Variants in KCTD16 observed in about 807,000 individuals in gnomAD.
KCTD16 encodes potassium channel tetramerization domain containing 16.
KCTD16 carries 13 observed loss-of-function variants against 33.2 expected under a neutral mutation model. The ratio of observed to expected loss-of-function variants is 0.39; its 90% CI spans 0.25 to 0.62. The LOEUF (loss-of-function observed/expected upper bound fraction) is 0.62. Ranked by LOEUF, KCTD16 falls within the 20% of genes least tolerant of loss-of-function variation. KCTD16 has a pLI of 0.50. For synonymous variants in KCTD16, 197 were observed against 195.3 expected (o/e 1.01, Z -0.07); for missense variants, 441 against 525.1 (o/e 0.84, Z 1.57).
At chr5:144,179,842 C>G (rs552896568) in intron 2 of KCTD16, among the ~76,000 whole-genome samples, 2 of 152,290 alleles carry the variant, frequency 1.3e-5, no homozygotes, top group African/African-American at 4.8e-5. Flanking sequence ...TTTATTCATT[C>G]GTTTAACAAA....
At chr5:144,406,795 G>A (rs567392709) in intron 3 of KCTD16, among the ~76,000 whole-genome samples, 211 of 152,252 alleles carry the variant, frequency 1.4e-3, no homozygotes, top group Admixed American at 2.4e-3. Flanking sequence ...CAACTAAGTC[G>A]GTGATATGCC....
At chr5:144,446,486 A>G (rs879837196) in intron 3 of KCTD16, among the ~76,000 whole-genome samples, 1 of 152,194 alleles carries the variant, frequency 6.6e-6, no homozygotes, top group African/African-American at 2.4e-5. Context: ...CATTCAGGAC[A>G]TAGGCATGAA....
intron 3 of KCTD16, among the ~76,000 whole-genome samples, chr5:144,456,787 ACAAG>A (rs1754075139): frequency 6.6e-6 from 1 of 151,788 alleles, no homozygotes; most frequent in African/African-American, 2.4e-5. Flanking sequence ...GGGTGTAAAA[ACAAG>A]CAAACAAAAC....
At chr5:144,356,870 CTT>C (rs978860035) in intron 3 of KCTD16, among the ~76,000 whole-genome samples, 4 of 151,936 alleles carry the variant, frequency 2.6e-5, no homozygotes, top group Non-Finnish European at 5.9e-5. Flanking sequence ...TTTCCCCTCT[CTT>C]GTCTTCATTT....
At chr5:144,218,683 T>C (rs941052195) in intron 3 of KCTD16, among the ~76,000 whole-genome samples, 2 of 152,214 alleles carry the variant, frequency 1.3e-5, no homozygotes, top group Non-Finnish European at 2.9e-5. Context: ...AGTCTCCTTT[T>C]ATAATGATTA....
At chr5:144,277,073 T>C (rs1315897680) in intron 3 of KCTD16, among the ~76,000 whole-genome samples, 2 of 152,208 alleles carry the variant, frequency 1.3e-5, no homozygotes, top group Non-Finnish European at 2.9e-5. Context: ...TCAGTGTTGC[T>C]GCATATCCAT....
At chr5:144,288,945 G>A (rs887891511) in intron 3 of KCTD16, among the ~76,000 whole-genome samples, 1 of 152,162 alleles carries the variant, frequency 6.6e-6, no homozygotes, top group Admixed American at 6.5e-5. Context: ...GAACCCGGGA[G>A]GCGGAGGTTG....
At chr5:144,427,547 C>A (rs1156965504) in intron 3 of KCTD16, among the ~76,000 whole-genome samples, 1 of 152,014 alleles carries the variant, frequency 6.6e-6, no homozygotes, top group African/African-American at 2.4e-5. Context: ...TCAGCTATTT[C>A]TTTTTAAAAA....
chr5:144,181,987 G>T (rs1457928772), intron 2 of KCTD16, among the ~76,000 whole-genome samples: 1 of 151,890 alleles, frequency 6.6e-6, no homozygotes, highest in African/African-American at 2.4e-5. Flanking sequence ...CCAGCTACTT[G>T]GGAGGCTGAG....
chr5:144,387,744 G>A (rs145483327), intron 3 of KCTD16, among the ~76,000 whole-genome samples: 8 of 152,102 alleles, frequency 5.3e-5, no homozygotes, highest in Non-Finnish European at 1.0e-4. Context: ...GGGTTTCTAT[G>A]CCACTTAGAA....
intron 3 of KCTD16, among the ~76,000 whole-genome samples, chr5:144,261,167 C>CAAAAAAAAAAAAAAAA (rs1299878040): frequency 4.0e-4 from 31 of 77,932 alleles, no homozygotes; most frequent in Non-Finnish European, 5.3e-4. Flanking sequence ...GGAACAACAA[C>CAAAAAAAAAAAAAAAA]AAAAAAAAAA....
chr5:144,271,275 C>G (rs1755286114), intron 3 of KCTD16, among the ~76,000 whole-genome samples: 1 of 151,804 alleles, frequency 6.6e-6, no homozygotes, highest in Non-Finnish European at 1.5e-5. Context: ...AAAATACTAG[C>G]AAACAAAATT....
In KCTD16 at chr5:144,183,896, C is replaced by T. The variant is rs141839336; in HGVS notation, c.-327+9424C>T. 3.9e-3 allele frequency among the ~76,000 whole-genome samples: 596 copies of T among 152,238 alleles called. 5 individuals carry two copies. The highest frequency in any genetic ancestry group is 0.013 in the African/African-American group (542 of 41,530). On this transcript the variant is annotated intron_variant, in intron 2 of 3. Transcript: ENST00000512467. Reference sequence around the variant, plus strand: ...TTTTATCTTTACCATAAATCTTGTACATAGTGCTTGATACTTGATTCTACT... The same window carrying T: ...TTTTATCTTTACCATAAATCTTGTATATAGTGCTTGATACTTGATTCTACT...
rs559927863 is a variant in KCTD16, at chr5:144,331,723, G to A, written c.832+124177G>A. ...TGAGAGAATTCTAACAATATCCTAG[G>A]AAGACTCTCTATCCTTAAGGAGCAG... On this transcript the variant is annotated intron_variant, in intron 3 of 3. Coordinates refer to ENST00000512467, the MANE Select transcript of KCTD16 (RefSeq NM_020768.4). Among the ~76,000 whole-genome samples the A allele has an allele frequency of 2.0e-5, 3 of 152,264 alleles. No individual in the cohort carries two copies. The South Asian group carries it at 6.2e-4, about 32-fold the overall frequency.
intron 3 of KCTD16, among the ~76,000 whole-genome samples, chr5:144,454,966 A>T (rs771840122): frequency 8.5e-5 from 13 of 152,186 alleles, no homozygotes; most frequent in Non-Finnish European, 1.8e-4. Context: ...ACAGTAGCAG[A>T]CAAAAAAGAC....
chr5:144,292,941 T>C (rs1220566512), intron 3 of KCTD16, among the ~76,000 whole-genome samples: 1 of 152,198 alleles, frequency 6.6e-6, no homozygotes, highest in Non-Finnish European at 1.5e-5. Flanking sequence ...CAAGGACGCA[T>C]GTTGACCTCA....
intron 3 of KCTD16, among the ~76,000 whole-genome samples, chr5:144,461,043 T>A (rs1268309143): frequency 6.6e-6 from 1 of 152,176 alleles, no homozygotes; most frequent in Non-Finnish European, 1.5e-5. Flanking sequence ...GGAACTTAAA[T>A]AACTTATAGT....
At chr5:144,299,908 A>C (rs538397999) in intron 3 of KCTD16, among the ~76,000 whole-genome samples, 36 of 148,706 alleles carry the variant, frequency 2.4e-4, no homozygotes, top group South Asian at 1.0e-3. Context: ...TAAAAAAAAA[A>C]AAAAAAACAA....
At chr5:144,413,639 A>G (rs1752981435) in intron 3 of KCTD16, among the ~76,000 whole-genome samples, 1 of 152,198 alleles carries the variant, frequency 6.6e-6, no homozygotes, top group African/African-American at 2.4e-5. Context: ...AAGAAGGATT[A>G]AAACAAAAAC....
Sources: allele counts gnomAD v4.1 joint callset (sites outside exome capture counted in the v4.1 genomes callset), GRCh38; gene constraint gnomAD v4.1.1; transcripts MANE v1.5; gene names NCBI Gene and HGNC (gene_info 2026-07-23, HGNC 2026-07-21).